PPP2R2B: variants seen among roughly 807,000 people sequenced by gnomAD.
The protein encoded by PPP2R2B is serine/threonine-protein phosphatase 2A 55 kDa regulatory subunit B beta isoform.
Under a neutral mutation model 46.0 loss-of-function variants are expected in PPP2R2B, and 5 were observed. That is an observed-to-expected ratio of 0.11 (90% CI 0.06 to 0.23). PPP2R2B has a LOEUF of 0.23. Ranked by LOEUF, PPP2R2B falls within the 10% of genes least tolerant of loss-of-function variation. The pLI is 1.00. For missense variants in PPP2R2B, 367 were observed against 575.0 expected (o/e 0.64, Z 3.70); for synonymous variants, 215 against 206.7 (o/e 1.04, Z -0.34).
intron 2 of PPP2R2B, among the ~76,000 whole-genome samples, chr5:146,782,958 G>GA (rs956316847): frequency 1.3e-5 from 2 of 151,760 alleles, no homozygotes; most frequent in East Asian, 1.9e-4. Context: ...AATCGATATG[G>GA]AAAAAAAATC....
intron 2 of PPP2R2B, among the ~76,000 whole-genome samples, chr5:146,783,065 A>G (rs1351139249): frequency 1.3e-5 from 2 of 152,338 alleles, no homozygotes; most frequent in East Asian, 3.9e-4. Context: ...AGTTTTTAAG[A>G]ATATTGAAAA....
At chr5:147,007,263 T>C (rs377740383) in intron 1 of PPP2R2B, among the ~76,000 whole-genome samples, 27 of 152,080 alleles carry the variant, frequency 1.8e-4, no homozygotes, top group Admixed American at 7.2e-4. Flanking sequence ...CCAACAGCAG[T>C]TGGGGTGTCC....
chr5:146,942,957 C>T (rs887375353), intron 1 of PPP2R2B, among the ~76,000 whole-genome samples: 1 of 151,950 alleles, frequency 6.6e-6, no homozygotes, highest in Non-Finnish European at 1.5e-5. Context: ...GCCACCACGC[C>T]TGACTAATTT....
At chr5:146,916,157 GA>G (rs1252812530) in intron 1 of PPP2R2B, among the ~76,000 whole-genome samples, 1 of 152,020 alleles carries the variant, frequency 6.6e-6, no homozygotes, top group Non-Finnish European at 1.5e-5. Flanking sequence ...TATCTGTTTT[GA>G]AACACCACAT....
chr5:146,990,436 G>GT (rs1249510767), intron 1 of PPP2R2B, among the ~76,000 whole-genome samples: 2 of 151,990 alleles, frequency 1.3e-5, no homozygotes, highest in Non-Finnish European at 2.9e-5. Flanking sequence ...TTAACCAACT[G>GT]TTTTTTGCCA....
intron 2 of PPP2R2B, among the ~76,000 whole-genome samples, chr5:146,790,388 A>C (rs1756120689): frequency 6.6e-6 from 1 of 152,112 alleles, no homozygotes; most frequent in South Asian, 2.1e-4. Context: ...GATTAGAAAG[A>C]GTTGTTATTT....
chr5:146,920,851 TTC>T (rs2151814357), intron 1 of PPP2R2B, among the ~76,000 whole-genome samples: 1 of 152,336 alleles, frequency 6.6e-6, no homozygotes, highest in Non-Finnish European at 1.5e-5. Context: ...TCTCATAGAA[TTC>T]TGTTAGAAAA....
At chr5:147,076,287 A>G (rs1159098648) in intron 2 of PPP2R2B, among the ~76,000 whole-genome samples, 1 of 152,104 alleles carries the variant, frequency 6.6e-6, no homozygotes, top group African/African-American at 2.4e-5. Flanking sequence ...ACAAAATAGT[A>G]TTTCCATTAT....
chr5:146,905,565 T>C (rs938820656), intron 1 of PPP2R2B, among the ~76,000 whole-genome samples: 1 of 152,146 alleles, frequency 6.6e-6, no homozygotes, highest in Non-Finnish European at 1.5e-5. Flanking sequence ...TGAATGTTCT[T>C]AACAGCTTTA....
At chr5:146,684,473 C>A (rs1471854082) in intron 5 of PPP2R2B, among the ~76,000 whole-genome samples, 1 of 152,208 alleles carries the variant, frequency 6.6e-6, no homozygotes, top group African/African-American at 2.4e-5. Context: ...AGTTCTGCCT[C>A]TTTCTAGCTG....
At chr5:147,017,714 A>G (rs1272040177) in intron 1 of PPP2R2B, among the ~76,000 whole-genome samples, 1 of 148,980 alleles carries the variant, frequency 6.7e-6, no homozygotes, top group Admixed American at 6.9e-5. Flanking sequence ...GATACAAGCA[A>G]AAAAGTGTTT....
At chr5:146,606,758 G>A (rs1772316960) in intron 7 of PPP2R2B, among the ~76,000 whole-genome samples, 2 of 152,082 alleles carry the variant, frequency 1.3e-5, no homozygotes, top group African/African-American at 4.8e-5. Context: ...GCTTGTTTCT[G>A]AACTATCCCT....
At chr5:147,069,785 G>GTTTTTTTTTTTATTTTTTTTTTTTTT (rs1757523548) in intron 2 of PPP2R2B, among the ~76,000 whole-genome samples, 1 of 64,786 alleles carries the variant, frequency 1.5e-5, no homozygotes, top group African/African-American at 7.5e-5. Flanking sequence ...ATTTTATACT[G>GTTTTTTTTTTTATTTTTTTTTTTTTT]TTTTTTTTTT....
intron 2 of PPP2R2B, among the ~76,000 whole-genome samples, chr5:146,838,286 G>A (rs529448499): frequency 6.6e-6 from 1 of 152,116 alleles, no homozygotes; most frequent in Admixed American, 6.5e-5. Context: ...AGACTTAGAA[G>A]GAAGGAAGGG....
rs138354085 is a variant in PPP2R2B, at chr5:147,020,068, A to G, written c.79+35597T>C. ...TCAACTCTGATGCTCTTTCTACCCA[A>G]TCTTTCTTCGTCCACCCTCTCCTTA... is the stretch of plus-strand genomic sequence containing the variant. On this transcript the variant is annotated intron_variant, in intron 1 of 8. Coordinates refer to the PPP2R2B transcript ENST00000336640. 1.6e-4 allele frequency among the ~76,000 whole-genome samples: 25 copies of G among 152,208 alleles called. No individual in the cohort carries two copies. The East Asian group carries it at 4.8e-3, about 29-fold the overall frequency.
intron 1 of PPP2R2B, among the ~76,000 whole-genome samples, chr5:146,935,150 C>T (rs2151824972): frequency 6.6e-6 from 1 of 152,276 alleles, no homozygotes; most frequent in South Asian, 2.1e-4. Flanking sequence ...AAATCCTAAC[C>T]TGCAAGGTGA....
chr5:146,983,392 G>A (rs533274439), intron 1 of PPP2R2B, among the ~76,000 whole-genome samples: 18 of 152,134 alleles, frequency 1.2e-4, no homozygotes, highest in Admixed American at 5.2e-4. Flanking sequence ...ATGTTAGCCA[G>A]GATGGTCTTG....
At chr5:146,894,725 CCACCA>C (rs1762593184) in intron 1 of PPP2R2B, among the ~76,000 whole-genome samples, 1 of 152,184 alleles carries the variant, frequency 6.6e-6, no homozygotes, top group Non-Finnish European at 1.5e-5. Context: ...CAGGCATGAG[CCACCA>C]CACCTAGCCT....
chr5:147,049,867 A>G (rs1756720208), intron 1 of PPP2R2B, among the ~76,000 whole-genome samples: 1 of 152,220 alleles, frequency 6.6e-6, no homozygotes, highest in South Asian at 2.1e-4. Flanking sequence ...AGAGGTGGTG[A>G]CAGTGAGTGT....
Sources: gnomAD v4.1 joint callset for allele counts (sites outside exome capture counted in the v4.1 genomes callset) on GRCh38, gnomAD v4.1.1 for gene constraint, MANE v1.5 for transcripts, NCBI Gene and HGNC (gene_info 2026-07-23, HGNC 2026-07-21) for gene names.